Variants in SVIP observed in about 807,000 individuals in gnomAD.
SVIP encodes the protein small VCP interacting protein.
SVIP carries 14 observed loss-of-function variants against 12.9 expected under a neutral mutation model. That is an observed-to-expected ratio of 1.08 (90% CI 0.72 to 1.70). The LOEUF is 1.70. Ranked by LOEUF, SVIP falls within the 40% of genes most tolerant of loss-of-function variation. SVIP has a pLI of 0.00. For missense variants in SVIP, 93 were observed against 90.8 expected (o/e 1.02, Z -0.10); for synonymous variants, 35 against 33.3 (o/e 1.05, Z -0.17).
intron 1 of SVIP, 148 bp downstream of exon 1, chr11:22,829,547 T>C (rs1379778102): frequency 2.6e-6 from 2 of 757,814 alleles, no homozygotes; most frequent in Admixed American, 2.6e-5. Context: ...CCAACGACCC[T>C]CCTGACGCGT....
chr11:22,829,536 C>T (rs938371504), intron 1 of SVIP, 159 bp downstream of exon 1: 2 of 668,434 alleles, frequency 3.0e-6, no homozygotes, highest in African/African-American at 3.8e-5. Flanking sequence ...TCTGACAGGA[C>T]CCAACGACCC....
rs991652505 is a variant in SVIP at position 22,827,380 on chromosome 11, C to G, written c.106-60G>C. 7.2e-6 allele frequency: 10 copies of G among 1,391,850 alleles called. No individual in the cohort carries two copies. In the Admixed American group the frequency reaches 1.2e-4, roughly 16 times the overall value. The allele number at this position is 1,391,850 out of a possible 1,614,324, so 86.2% of individuals were successfully genotyped here. On this transcript the variant is annotated intron_variant, in intron 2 of 3. Transcript: ENST00000354193. ...ACAAAAATCTGTCCAGTGTGCAAAA[C>G]ATTTTTTTGTCTATCTTTGCTTTCT...
At chr11:22,824,860 T>A (rs929180649) in intron 3 of SVIP, among the ~76,000 whole-genome samples, 2 of 152,024 alleles carry the variant, frequency 1.3e-5, no homozygotes, top group African/African-American at 4.8e-5. Flanking sequence ...CAATGAACAA[T>A]CCTTTTTGAA....
chr11:22,829,120 C>T (rs1243554575), intron 1 of SVIP: 1 of 151,968 alleles, frequency 6.6e-6, no homozygotes, highest in South Asian at 2.1e-4. Flanking sequence ...TTATTAAATA[C>T]GACATTATAA....
chr11:22,823,250 T>C (rs1857546309), intron 3 of SVIP, 117 bp from the exon 4 acceptor site: 1 of 697,742 alleles, frequency 1.4e-6, no homozygotes, highest in South Asian at 2.1e-5. Flanking sequence ...AAAATGATTT[T>C]TCTGAATAGC....
Position 22,823,063 on chromosome 11 carries a change from T to C in SVIP, c.*56A>G. 2 of 1,454,100 alleles carry C rather than the reference T, an allele frequency of 1.4e-6. No homozygotes were observed. Among genetic ancestry groups the C allele is most frequent in the Non-Finnish European group, 1.9e-6 (2 of 1,065,938 alleles). The allele number at this position is 1,454,100 out of a possible 1,614,324, so 90.1% of individuals were successfully genotyped here. On this transcript the variant is annotated 3_prime_UTR_variant, in exon 4 of 4. Transcript: ENST00000354193. The stretch of plus-strand genomic sequence containing the variant: ...AAGAAATTAAATTGATGAAGCCCAC[T>C]TGATTGCAGATAATAAACAGTTATT...
chr11:22,824,094 T>A (rs571357434), intron 3 of SVIP, among the ~76,000 whole-genome samples: 2 of 152,228 alleles, frequency 1.3e-5, no homozygotes, highest in Admixed American at 1.3e-4. Flanking sequence ...CTGAAGTTGG[T>A]AACCACTGCA....
chr11:22,819,615 A>C lies in SVIP; in HGVS notation c.*3504T>G, dbSNP rs12793554. ...TGGAGAAACCCTGTCTCTACTAAAA[A>C]CACAAAATTAGTCAGGCGTGGTGGC... On this transcript the variant is annotated 3_prime_UTR_variant, in exon 4 of 4. Transcript: ENST00000354193. 1 of 152,178 alleles carries C rather than the reference A, an allele frequency of 6.6e-6. No individual in the cohort carries two copies. The highest frequency in any genetic ancestry group is 6.5e-5 in the Admixed American group (1 of 15,272). The allele number at this position is 152,178 out of a possible 1,614,324, so 9.4% of individuals were successfully genotyped here.
At chr11:22,826,388 AC>A (rs936506274) in intron 3 of SVIP, among the ~76,000 whole-genome samples, 3 of 148,252 alleles carry the variant, frequency 2.0e-5, no homozygotes, top group East Asian at 4.0e-4. Context: ...GAGAAAAAAA[AC>A]CAATAAATCT....
chr11:22,827,335 A>AT lies in SVIP; in HGVS notation c.106-16dup. 6.3e-7 allele frequency: 1 copy of AT among 1,583,618 alleles called. No homozygotes were observed. The highest frequency in any genetic ancestry group is 2.3e-5 in the East Asian group (1 of 43,868). ...CGAGATGCAGCCTTGAAGAAATTTGATAAGAAAAACAGAAAGACAACAAAA... is the reference window on the plus strand; with the variant it reads ...CGAGATGCAGCCTTGAAGAAATTTGATTAAGAAAAACAGAAAGACAACAAAA... On this transcript the variant is annotated splice_polypyrimidine_tract_variant and intron_variant, in intron 2 of 3. Transcript: ENST00000354193.
rs1300703051 is a variant in SVIP at position 22,821,715 on chromosome 11, C to T, written c.*1404G>A. On this transcript the variant is annotated 3_prime_UTR_variant, in exon 4 of 4. Coordinates refer to ENST00000354193, the MANE Select transcript of SVIP (RefSeq NM_148893.3). Reference sequence around the variant, plus strand: ...CTACCCTTTATGAACAAAAACAGCACGAATCCTCTAAAGAAGAAAATTGAG... The same window carrying T: ...CTACCCTTTATGAACAAAAACAGCATGAATCCTCTAAAGAAGAAAATTGAG... 6.6e-6 allele frequency: 1 copy of T among 152,078 alleles called. No homozygotes were observed. The highest frequency in any genetic ancestry group is 6.6e-5 in the Admixed American group (1 of 15,248). 9.4% of individuals were successfully genotyped at this position (152,078 alleles called of 1,614,324 possible).
chr11:22,824,464 ATATATATACG>A (rs909629913), intron 3 of SVIP, among the ~76,000 whole-genome samples: 69 of 145,540 alleles, frequency 4.7e-4, no homozygotes, highest in Non-Finnish European at 9.4e-4. Context: ...ATATATACAC[ATATATATACG>A]TATATATATA....
rs183669477 is a variant in SVIP at position 22,821,795 on chromosome 11, A to T, written c.*1324T>A. The T allele has an allele frequency of 6.6e-6, 1 of 152,294 alleles. No individual in the cohort carries two copies. The highest frequency in any genetic ancestry group is 2.4e-5 in the African/African-American group (1 of 41,576). The allele number at this position is 152,294 out of a possible 1,614,324, so 9.4% of individuals were successfully genotyped here. A position where few individuals can be genotyped will look rare whatever the true frequency, so the allele number is the denominator to read the frequency against. ...ACACAATATTTCACACCATAATAGA[A>T]AAAATAATTTTTCCATGAGAAGTCA... On this transcript the variant is annotated 3_prime_UTR_variant, in exon 4 of 4. Coordinates refer to ENST00000354193, the MANE Select transcript of SVIP (RefSeq NM_148893.3).
Position 22,821,421 on chromosome 11 carries a change from T to TCC in SVIP, c.*1697_*1698insGG, listed in dbSNP as rs1393264628. ...ATGGTTAACAATAGATAGTGTGACATTTGGGTATGACCTGCTGGTAGAAAT... is the reference window on the plus strand; with the variant it reads ...ATGGTTAACAATAGATAGTGTGACATCCTTGGGTATGACCTGCTGGTAGAAAT... On this transcript the variant is annotated 3_prime_UTR_variant, in exon 4 of 4. Coordinates refer to ENST00000354193, the MANE Select transcript of SVIP (RefSeq NM_148893.3). 6.6e-6 allele frequency: 1 copy of TCC among 152,106 alleles called. No homozygotes were observed. Among genetic ancestry groups the TCC allele is most frequent in the Non-Finnish European group, 1.5e-5 (1 of 68,014 alleles). 9.4% of individuals were successfully genotyped at this position (152,106 alleles called of 1,614,324 possible). A position where few individuals can be genotyped will look rare whatever the true frequency, so the allele number is the denominator to read the frequency against.
intron 1 of SVIP, chr11:22,829,410 C>G (rs1018318030): frequency 5.5e-6 from 2 of 365,120 alleles, no homozygotes; most frequent in East Asian, 8.9e-5. Flanking sequence ...CGCCGGCGCC[C>G]TATGAAGATC....
chr11:22,826,349 T>C (rs186814962), intron 3 of SVIP, among the ~76,000 whole-genome samples: 1 of 147,974 alleles, frequency 6.8e-6, no homozygotes. Flanking sequence ...TGTATATGTA[T>C]GTGCATGTGT....
chr11:22,826,353 CAT>C (rs1491098516), intron 3 of SVIP, among the ~76,000 whole-genome samples: 12 of 145,536 alleles, frequency 8.2e-5, no homozygotes, highest in South Asian at 2.3e-4. Flanking sequence ...TATGTATGTG[CAT>C]GTGTGTGTGT....
chr11:22,828,131 C>T (rs1171520355), intron 1 of SVIP, among the ~76,000 whole-genome samples: 1 of 152,124 alleles, frequency 6.6e-6, no homozygotes, highest in African/African-American at 2.4e-5. Flanking sequence ...ATAAAAAGGC[C>T]TACAAGCTAG....
rs112638890 is a variant in SVIP, at chr11:22,826,840, A to G, written c.219+367T>C. Among the ~76,000 whole-genome samples the G allele has an allele frequency of 5.4e-3, 829 of 152,344 alleles. 13 individuals carry two copies. The highest frequency in any genetic ancestry group is 0.038 in the East Asian group (198 of 5,194). ...AGCGTAATCCAATTTAATAAGATAT[A>G]TAAATGAAGGTTAGAAATTATGTCT... On this transcript the variant is annotated intron_variant, in intron 3 of 3. Transcript: ENST00000354193.
Sources: allele counts gnomAD v4.1 joint callset (sites outside exome capture counted in the v4.1 genomes callset), GRCh38; gene constraint gnomAD v4.1.1; transcripts MANE v1.5; gene names NCBI Gene and HGNC (gene_info 2026-07-23, HGNC 2026-07-21).